The following SLC7A14 variants were observed in gnomAD, a reference collection of about 807,000 sequenced individuals.
SLC7A14 encodes gamma-aminobutyric acid transporter SLC7A14.
In SLC7A14, 37 loss-of-function variants were observed where a neutral mutation model predicts 60.2. That is an observed-to-expected ratio of 0.61 (90% CI 0.47 to 0.81). The LOEUF is 0.81. SLC7A14 is among the 30% of genes least tolerant of loss of function. The probability of loss-of-function intolerance (pLI) is 0.00; values close to 1 mark genes in which losing one functional copy is unlikely to be tolerated. For synonymous variants in SLC7A14, 399 were observed against 395.8 expected (o/e 1.01, Z -0.10); for missense variants, 886 against 982.7 (o/e 0.90, Z 1.32).
chr3:170,498,949 C>A, intron 3 of SLC7A14, 65 bp from the exon 4 acceptor site: 1 of 1,494,540 alleles, frequency 6.7e-7, no homozygotes, highest in South Asian at 1.2e-5. Flanking sequence ...AACTCCTGGT[C>A]CTACCCCACT....
intron 1 of SLC7A14, chr3:170,570,159 A>G (rs577982353): frequency 1.3e-5 from 2 of 152,316 alleles, no homozygotes; most frequent in South Asian, 2.1e-4. Flanking sequence ...AATCACCTTA[A>G]AAGTCCAAAT....
intron 1 of SLC7A14, among the ~76,000 whole-genome samples, chr3:170,557,560 C>T (rs961468940): frequency 1.3e-5 from 2 of 152,064 alleles, no homozygotes; most frequent in African/African-American, 2.4e-5. Flanking sequence ...GTGGACTGAC[C>T]GGAAGGAAGT....
At chr3:170,544,097 C>T (rs1456727014) in intron 1 of SLC7A14, among the ~76,000 whole-genome samples, 2 of 152,028 alleles carry the variant, frequency 1.3e-5, no homozygotes, top group Admixed American at 6.6e-5. Context: ...AATAAGCCTC[C>T]ACATTCGGAG....
rs561789880 is a variant in SLC7A14 at position 170,533,065 on chromosome 3, T to A, written c.-152-5977A>T. 2.6e-3 allele frequency among the ~76,000 whole-genome samples: 393 copies of A among 152,262 alleles called. 4 individuals are homozygous for A. The highest frequency in any genetic ancestry group is 0.01 in the Middle Eastern group (3 of 294). ...AGGTTCACCTTCAGTTGCCACCCCA[T>A]CCCTGAAAACATGATCCCCTTCTGA... On this transcript the variant is annotated intron_variant, in intron 1 of 7. Transcript: ENST00000231706.
intron 2 of SLC7A14, among the ~76,000 whole-genome samples, chr3:170,515,331 T>A (rs78346397): frequency 1.8e-3 from 210 of 119,840 alleles, no homozygotes; most frequent in Middle Eastern, 5.3e-3. Flanking sequence ...AAAAAAAAAA[T>A]ATATATATAT....
At position 170,501,300 on chromosome 3, in the gene SLC7A14, C is replaced by T; in HGVS notation, c.350G>A (p.Gly117Glu). The T allele has an allele frequency of 3.7e-6, 6 of 1,614,160 alleles. No homozygotes were observed. The highest frequency in any genetic ancestry group is 5.1e-6 in the Non-Finnish European group (6 of 1,180,016). The change falls in exon 3 of 8, where the codon GGA becomes GAA. Residue 117 changes from glycine to glutamate, a missense_variant. Coordinates refer to ENST00000231706, the MANE Select transcript of SLC7A14 (RefSeq NM_020949.3). ...EFGVRVPKTT[G>E]SAYTYSYVTV... ...GACATAGCTGTAGGTGTAGGCAGAT[C>T]CTGTGGTCTTGGGGACTCGAACTCC...
chr3:170,515,082 G>A (rs918287491), intron 2 of SLC7A14, among the ~76,000 whole-genome samples: 1 of 152,054 alleles, frequency 6.6e-6, no homozygotes, highest in African/African-American at 2.4e-5. Flanking sequence ...GGAGGCCGAG[G>A]CAGGTGGATC....
At chr3:170,555,499 T>C (rs1313340259) in intron 1 of SLC7A14, among the ~76,000 whole-genome samples, 2 of 152,204 alleles carry the variant, frequency 1.3e-5, no homozygotes, top group Non-Finnish European at 2.9e-5. Context: ...CATTACATAA[T>C]GATGGGGCTA....
At position 170,496,317 on chromosome 3, in the gene SLC7A14, C is replaced by G. The variant is rs1577512794; in HGVS notation, c.759+2350G>C. On this transcript the variant is annotated intron_variant, in intron 4 of 7. Transcript: ENST00000231706. ...AGAGCTGCAGACGCTGGCTGGCAAG[C>G]ACGGGGATGACCTGCGGTGTACAAA... 6 of 1,040,268 alleles carry G rather than the reference C, an allele frequency of 5.8e-6. No homozygotes were observed. The East Asian group carries it at 1.4e-4, about 25-fold the overall frequency. 64.4% of individuals were successfully genotyped at this position (1,040,268 alleles called of 1,614,324 possible).
intron 3 of SLC7A14, 102 bp from the exon 4 acceptor site, chr3:170,498,986 C>T: frequency 8.8e-7 from 1 of 1,135,886 alleles, no homozygotes; most frequent in East Asian, 2.5e-5. Flanking sequence ...TTAAGAAGGG[C>T]AGTAAACTGG....
In SLC7A14 at chr3:170,467,321, G is replaced by C. The variant is rs768093351; in HGVS notation, c.2050C>G (p.Arg684Gly). 1 of 1,613,204 alleles carries C rather than the reference G, an allele frequency of 6.2e-7. No individual in the cohort carries two copies. Among genetic ancestry groups the C allele is most frequent in the Non-Finnish European group, 8.5e-7 (1 of 1,179,654 alleles). ...IWNSTLEISA[R>G]EEALHQSTYQ... ...GTGCTTTGGTGCAGGGCCTCTTCTC[G>C]AGCGCTGATTTCCAGGGTGCTGTTC... The change falls in exon 8 of 8, where the codon CGA (arginine) becomes GGA (glycine). Residue 684 changes from arginine to glycine, a missense_variant. Coordinates refer to ENST00000231706, the MANE Select transcript of SLC7A14 (RefSeq NM_020949.3).
At position 170,501,153 on chromosome 3, in the gene SLC7A14, A is replaced by G. The variant is rs774445683; in HGVS notation, c.497T>C (p.Ile166Thr). The G allele has an allele frequency of 2.3e-5, 37 of 1,614,082 alleles. No homozygotes were observed. The highest frequency in any genetic ancestry group is 2.9e-5 in the Non-Finnish European group (34 of 1,180,052). ...CACGCTGTCCGCCATCCAGCGGCTG[A>G]TGGTGTGGTTGGCTAGTGAGTCAAA... is the stretch of plus-strand genomic sequence containing the variant. ...SMFDSLANHT[I>T]SRWMADSVGT... The change falls in exon 3 of 8, where the codon ATC (isoleucine) becomes ACC (threonine). Residue 166 changes from isoleucine (I) to threonine (T), a missense_variant. Transcript: ENST00000231706.
chr3:170,498,993 C>T (rs1275826636), intron 3 of SLC7A14, 109 bp from the exon 4 acceptor site: 2 of 1,011,878 alleles, frequency 2.0e-6, no homozygotes, highest in East Asian at 5.1e-5. Context: ...GGGCAGTAAA[C>T]TGGGAGGCCG....
chr3:170,499,986 T>C (rs1349756607), intron 3 of SLC7A14, among the ~76,000 whole-genome samples: 2 of 152,246 alleles, frequency 1.3e-5, no homozygotes, highest in Non-Finnish European at 2.9e-5. Flanking sequence ...CTTGTCATGG[T>C]ACTTGGGTGC....
In SLC7A14 at chr3:170,481,155, T is replaced by G; in HGVS notation, c.1127A>C (p.His376Pro). The G allele has an allele frequency of 6.2e-7, 1 of 1,612,924 alleles. No homozygotes were observed. Among genetic ancestry groups the G allele is most frequent in the Non-Finnish European group, 8.5e-7 (1 of 1,179,396 alleles). Residue 376 changes from histidine (H) to proline (P), a missense_variant, in exon 7 of 8, where the codon CAC (histidine) becomes CCC (proline). Physicochemically the swap from His to Pro is moderately conservative, Grantham distance 77. Coordinates refer to ENST00000231706, the MANE Select transcript of SLC7A14 (RefSeq NM_020949.3). ...TGGTGTCTCTGTGTAGGAGCTGACGTGAGCCAGGAACCTGGAGGGGCCGGG... is the reference window on the plus strand; with the variant it reads ...TGGTGTCTCTGTGTAGGAGCTGACGGGAGCCAGGAACCTGGAGGGGCCGGG... ...GDGLLFRFLA[H>P]VSSYTETPVV...
At position 170,480,870 on chromosome 3, in the gene SLC7A14, T is replaced by A; in HGVS notation, c.1412A>T (p.Asp471Val). The change falls in exon 7 of 8, where the codon GAT becomes GTT. Residue 471 changes from aspartate to valine, a missense_variant. Asp to Val is a radical substitution (Grantham distance 152). Coordinates refer to ENST00000231706, the MANE Select transcript of SLC7A14 (RefSeq NM_020949.3). Reference protein sequence around the residue: ...KEACSPVSEGDEFSGPATNTC... With the variant: ...KEACSPVSEGVEFSGPATNTC... Reference sequence around the variant, plus strand: ...GTTGGTGGCTGGGCCAGAAAACTCATCCCCCTCACTCACAGGAGAACAAGC... The same window carrying A: ...GTTGGTGGCTGGGCCAGAAAACTCAACCCCCTCACTCACAGGAGAACAAGC... The A allele has an allele frequency of 6.2e-7, 1 of 1,613,906 alleles. No homozygotes were observed. Among genetic ancestry groups the A allele is most frequent in the Non-Finnish European group, 8.5e-7 (1 of 1,179,994 alleles).
At chr3:170,475,696 G>T (rs2108266236) in intron 7 of SLC7A14, among the ~76,000 whole-genome samples, 1 of 152,184 alleles carries the variant, frequency 6.6e-6, no homozygotes, top group South Asian at 2.1e-4. Flanking sequence ...AGTAGACCTG[G>T]GGTGGAGTTC....
intron 5 of SLC7A14, among the ~76,000 whole-genome samples, chr3:170,485,653 G>A (rs1560253771): frequency 1.3e-5 from 2 of 152,102 alleles, no homozygotes; most frequent in Non-Finnish European, 2.9e-5. Context: ...TTATCCTGAG[G>A]CTCCCCTAGG....
At chr3:170,581,497 T>C (rs1037568514) in intron 1 of SLC7A14, among the ~76,000 whole-genome samples, 3 of 152,146 alleles carry the variant, frequency 2.0e-5, no homozygotes, top group Non-Finnish European at 4.4e-5. Context: ...CAACAAACAA[T>C]GCACGGTATT....
Sources: allele counts gnomAD v4.1 joint callset (sites outside exome capture counted in the v4.1 genomes callset), GRCh38; gene constraint gnomAD v4.1.1; transcripts MANE v1.5; gene names NCBI Gene and HGNC (gene_info 2026-07-23, HGNC 2026-07-21).